Variants in DNAJB6 observed in about 807,000 individuals in gnomAD.
DNAJB6 encodes the protein dnaJ homolog subfamily B member 6.
Under a neutral mutation model 42.7 loss-of-function variants are expected in DNAJB6, and 16 were observed. The ratio of observed to expected loss-of-function variants is 0.37; its 90% CI spans 0.25 to 0.57. DNAJB6 has a LOEUF of 0.57. Among genes scored for constraint, DNAJB6 ranks in the 20% least tolerant of loss-of-function variants. DNAJB6 has a pLI of 0.74. For synonymous variants in DNAJB6, 170 were observed against 163.5 expected (o/e 1.04, Z -0.30); for missense variants, 347 against 416.8 (o/e 0.83, Z 1.46).
chr7:157,353,283 CTTTAT>C (rs1289376966), intron 1 of DNAJB6, among the ~76,000 whole-genome samples: 2 of 150,474 alleles, frequency 1.3e-5, no homozygotes, highest in Non-Finnish European at 1.5e-5. Flanking sequence ...AGTTTTTAAA[CTTTAT>C]TTTGAGGTAG....
chr7:157,354,151 T>G (rs1383213313), intron 1 of DNAJB6, among the ~76,000 whole-genome samples: 1 of 152,214 alleles, frequency 6.6e-6, no homozygotes, highest in Non-Finnish European at 1.5e-5. Context: ...TTGTTTGTTT[T>G]TTTCGACTTT....
chr7:157,372,425 G>A (rs1284941166), intron 5 of DNAJB6, among the ~76,000 whole-genome samples: 2 of 152,204 alleles, frequency 1.3e-5, no homozygotes, highest in Admixed American at 6.5e-5. Context: ...GGAGTGCGAG[G>A]AGCCGCTGAG....
At position 157,416,195 on chromosome 7, in the gene DNAJB6, G is replaced by T; in HGVS notation, c.*97G>T. Reference sequence around the variant, plus strand: ...CGCGCTAGGTAGCAGCGTCGGTCAGGACTGTCTCGAGGCCACACTCGCTCG... The same window carrying T: ...CGCGCTAGGTAGCAGCGTCGGTCAGTACTGTCTCGAGGCCACACTCGCTCG... On this transcript the variant is annotated 3_prime_UTR_variant, in exon 10 of 10. Transcript: ENST00000262177. The T allele has an allele frequency of 6.5e-7, 1 of 1,534,180 alleles. No individual in the cohort carries two copies. Among genetic ancestry groups the T allele is most frequent in the Admixed American group, 2.0e-5 (1 of 50,784 alleles).
chr7:157,391,450 C>T (rs947551651), intron 8 of DNAJB6, among the ~76,000 whole-genome samples: 1 of 152,238 alleles, frequency 6.6e-6, no homozygotes, highest in African/African-American at 2.4e-5. Context: ...TCAGTGGTCC[C>T]TGCACAGATG....
intron 1 of DNAJB6, among the ~76,000 whole-genome samples, chr7:157,358,261 G>A (rs1244206324): frequency 2.6e-5 from 4 of 152,170 alleles, no homozygotes; most frequent in African/African-American, 4.8e-5. Flanking sequence ...CAAGTGGCAC[G>A]GAGTCTCTGC....
At chr7:157,384,415 A>G (rs952493377) in intron 6 of DNAJB6, among the ~76,000 whole-genome samples, 1 of 152,190 alleles carries the variant, frequency 6.6e-6, no homozygotes, top group Non-Finnish European at 1.5e-5. Context: ...TGTCCATCAC[A>G]GTCTGTGGAG....
At chr7:157,402,498 T>C (rs1396282170) in intron 8 of DNAJB6, among the ~76,000 whole-genome samples, 1 of 152,240 alleles carries the variant, frequency 6.6e-6, no homozygotes, top group African/African-American at 2.4e-5. Flanking sequence ...CCATGTGTGC[T>C]TTGAGTCTGG....
chr7:157,341,488 A>G (rs184380744), intron 1 of DNAJB6, among the ~76,000 whole-genome samples: 13 of 152,296 alleles, frequency 8.5e-5, no homozygotes, highest in African/African-American at 2.4e-4. Flanking sequence ...TTTAGTTTAC[A>G]CTACATATGA....
At chr7:157,369,996 C>CTTCTTAACATTATTATTAAAGAGGCCCT (rs1246366224) in intron 5 of DNAJB6, among the ~76,000 whole-genome samples, 3 of 143,956 alleles carry the variant, frequency 2.1e-5, no homozygotes, top group African/African-American at 8.1e-5. Context: ...AAACAGGCCC[C>CTTCTTAACATTATTATTAAAGAGGCCCT]TTCTTAACAT....
intron 2 of DNAJB6, among the ~76,000 whole-genome samples, chr7:157,361,401 C>T (rs941010520): frequency 6.6e-6 from 1 of 152,170 alleles, no homozygotes; most frequent in African/African-American, 2.4e-5. Flanking sequence ...TCGTGATCTG[C>T]CTGCCTCAGC....
intron 6 of DNAJB6, among the ~76,000 whole-genome samples, chr7:157,383,022 TAAA>T (rs1800865298): frequency 1.3e-5 from 2 of 152,146 alleles, no homozygotes; most frequent in African/African-American, 4.8e-5. Flanking sequence ...TTTTTAAATT[TAAA>T]AAGAGTCTCA....
intron 8 of DNAJB6, chr7:157,386,334 T>A (rs957781922): frequency 1.0e-6 from 1 of 984,828 alleles, no homozygotes; most frequent in Non-Finnish European, 1.2e-6. Context: ...AGCTTTTTTG[T>A]GTCTGTGTAT....
At chr7:157,389,024 A>G (rs1394250870) in intron 8 of DNAJB6, among the ~76,000 whole-genome samples, 3 of 152,194 alleles carry the variant, frequency 2.0e-5, no homozygotes, top group Admixed American at 1.3e-4. Flanking sequence ...AAGTCCTTCA[A>G]TGAGTAGATT....
At chr7:157,408,700 G>GA (rs1795857929) in intron 8 of DNAJB6, among the ~76,000 whole-genome samples, 1 of 152,240 alleles carries the variant, frequency 6.6e-6, no homozygotes, top group Admixed American at 6.5e-5. Context: ...CTCAGCACTG[G>GA]AAGTGGTGTA....
intron 8 of DNAJB6, chr7:157,385,931 G>GT (rs1262193395): frequency 2.1e-6 from 2 of 973,148 alleles, no homozygotes; most frequent in Admixed American, 9.7e-5. Context: ...TGACTCTTTA[G>GT]TGTAGGACAA....
rs566908685 is a variant in DNAJB6 at position 157,404,070 on chromosome 7, C to T, written c.692-5725C>T. Among the ~76,000 whole-genome samples the T allele has an allele frequency of 1.8e-4, 26 of 143,802 alleles. No individual in the cohort carries two copies. In the South Asian group the frequency reaches 3.2e-3, roughly 18 times the overall value. 94.3% of individuals were successfully genotyped at this position (143,802 alleles called of 152,430 possible). ...CAGCCTCGAACTCCTAGGCTCAAGC[C>T]GTCCTCCCAGCTCAGCCCCCTGAGT... On this transcript the variant is annotated intron_variant, in intron 8 of 9. Coordinates refer to ENST00000262177, the MANE Select transcript of DNAJB6 (RefSeq NM_058246.4).
intron 5 of DNAJB6, among the ~76,000 whole-genome samples, chr7:157,375,657 C>T (rs1395054284): frequency 6.6e-6 from 1 of 152,160 alleles, no homozygotes; most frequent in Non-Finnish European, 1.5e-5. Context: ...GAGCTCCGGC[C>T]GTGTTCTTCA....
chr7:157,357,605 C>T (rs928246664), intron 1 of DNAJB6, among the ~76,000 whole-genome samples: 1 of 151,928 alleles, frequency 6.6e-6, no homozygotes, highest in Non-Finnish European at 1.5e-5. Flanking sequence ...GCCACGCGCC[C>T]GGCTGTGCAG....
intron 8 of DNAJB6, among the ~76,000 whole-genome samples, chr7:157,400,611 C>T (rs538459929): frequency 6.6e-6 from 1 of 152,330 alleles, no homozygotes; most frequent in East Asian, 1.9e-4. Context: ...TTGCGGTCTC[C>T]GCCGCTGGTG....
Sources: allele counts gnomAD v4.1 joint callset (sites outside exome capture counted in the v4.1 genomes callset), GRCh38; gene constraint gnomAD v4.1.1; transcripts MANE v1.5; gene names NCBI Gene and HGNC (gene_info 2026-07-23, HGNC 2026-07-21).